The following WNT5A variants were observed in gnomAD, a reference collection of about 807,000 sequenced individuals.
The protein encoded by WNT5A is protein Wnt-5a.
WNT5A carries 9 observed loss-of-function variants against 42.1 expected under a neutral mutation model. The ratio of observed to expected loss-of-function variants is 0.21; its 90% CI spans 0.13 to 0.37. The LOEUF (loss-of-function observed/expected upper bound fraction) is 0.37, where lower values mean the gene tolerates loss of function less well. Ranked by LOEUF, WNT5A falls within the 10% of genes least tolerant of loss-of-function variation. The pLI is 1.00. For missense variants in WNT5A, 426 were observed against 534.0 expected (o/e 0.80, Z 1.99); for synonymous variants, 210 against 210.0 (o/e 1.00, Z 0.00).
chr3:55,484,376 G>A (rs1162225921), intron 1 of WNT5A, among the ~76,000 whole-genome samples: 3 of 152,180 alleles, frequency 2.0e-5, no homozygotes, highest in Non-Finnish European at 2.9e-5. Context: ...TCCGCTTTAG[G>A]GGAGCAGACA....
the WNT5A span, among the ~76,000 whole-genome samples, chr3:55,504,204 G>A: frequency 6.6e-6 from 1 of 152,012 alleles, no homozygotes; most frequent in Non-Finnish European, 1.5e-5. Context: ...GGGAGGCGGA[G>A]GTTGCAGCAA....
chr3:55,478,068 C>T (rs1370218318), intron 3 of WNT5A, among the ~76,000 whole-genome samples: 1 of 152,158 alleles, frequency 6.6e-6, no homozygotes, highest in African/African-American at 2.4e-5. Context: ...AGGGAAAACT[C>T]CTGTGTTCCT....
At chr3:55,484,915 G>A (rs1336337148) in intron 1 of WNT5A, among the ~76,000 whole-genome samples, 2 of 152,206 alleles carry the variant, frequency 1.3e-5, no homozygotes, top group Non-Finnish European at 2.9e-5. Flanking sequence ...AAGCGGGAAA[G>A]CAACACTTGT....
At chr3:55,494,540 ACTTTTTTT>A (rs1169990422), upstream of WNT5A, among the ~76,000 whole-genome samples, 1 of 152,126 alleles carries the variant, frequency 6.6e-6, no homozygotes, top group Non-Finnish European at 1.5e-5. Flanking sequence ...TTTTGCCATT[ACTTTTTTT>A]CTTTTTTTTG....
chr3:55,473,261 C>A (rs1364889132), intron 4 of WNT5A, among the ~76,000 whole-genome samples: 13 of 152,208 alleles, frequency 8.5e-5, no homozygotes. Context: ...TCTGTCCAGT[C>A]CTCTACAGTT....
chr3:55,492,173 T>C (rs1019201345), upstream of WNT5A, among the ~76,000 whole-genome samples: 1 of 142,356 alleles, frequency 7.0e-6, no homozygotes, highest in African/African-American at 3.1e-5. Context: ...AACACTTATG[T>C]GTTATGTGTT....
upstream of WNT5A, among the ~76,000 whole-genome samples, chr3:55,492,038 G>A (rs369342816): frequency 6.6e-6 from 1 of 152,216 alleles, no homozygotes; most frequent in East Asian, 1.9e-4. Flanking sequence ...TTGACTCCAG[G>A]AGGCTCTTTG....
At chr3:55,496,652 T>C in the WNT5A span, among the ~76,000 whole-genome samples, 3 of 152,216 alleles carry the variant, frequency 2.0e-5, no homozygotes, top group African/African-American at 7.2e-5. Context: ...GTCATGCAGC[T>C]ATGTCATAAC....
chr3:55,473,700 C>T (rs548259240), intron 4 of WNT5A, among the ~76,000 whole-genome samples: 50 of 152,176 alleles, frequency 3.3e-4, no homozygotes, highest in African/African-American at 1.2e-3. Context: ...TAAAAAAACC[C>T]TCCATCCATC....
At chr3:55,493,278 G>GA, upstream of WNT5A, among the ~76,000 whole-genome samples, 1 of 152,210 alleles carries the variant, frequency 6.6e-6, no homozygotes, top group Admixed American at 6.5e-5. Context: ...AGATAAAATC[G>GA]AAACAAGTTA....
intron 1 of WNT5A, chr3:55,481,210 C>A (rs58661645): frequency 1.2e-6 from 1 of 820,468 alleles, no homozygotes. Flanking sequence ...CAGGCGCTGC[C>A]TCCTTCCTGC....
intron 1 of WNT5A, chr3:55,481,390 G>C: frequency 1.0e-6 from 1 of 985,538 alleles, no homozygotes; most frequent in Non-Finnish European, 1.2e-6. Context: ...GCACGGAGGC[G>C]AGTGGAGCGC....
chr3:55,473,773 A>T (rs1171441976), intron 4 of WNT5A, among the ~76,000 whole-genome samples: 1 of 151,764 alleles, frequency 6.6e-6, no homozygotes, highest in Non-Finnish European at 1.5e-5. Flanking sequence ...AGAGCCTCAA[A>T]GCTGGGGTGA....
chr3:55,484,198 A>C (rs2051527486), intron 1 of WNT5A, among the ~76,000 whole-genome samples: 1 of 152,170 alleles, frequency 6.6e-6, no homozygotes, highest in South Asian at 2.1e-4. Flanking sequence ...TTGGTGGAAA[A>C]AGAAAGCTGT....
the WNT5A span, among the ~76,000 whole-genome samples, chr3:55,498,837 G>A: frequency 6.6e-6 from 1 of 152,094 alleles, no homozygotes; most frequent in Non-Finnish European, 1.5e-5. Context: ...AACCTGTTTG[G>A]CTCTAAATGT....
chr3:55,471,911 C>A (rs1157770120), intron 4 of WNT5A, among the ~76,000 whole-genome samples: 1 of 152,182 alleles, frequency 6.6e-6, no homozygotes, highest in Non-Finnish European at 1.5e-5. Context: ...CACAGGGGCT[C>A]TTTTAAAGGG....
chr3:55,491,760 C>A (rs2045535918), upstream of WNT5A, among the ~76,000 whole-genome samples: 1 of 152,188 alleles, frequency 6.6e-6, no homozygotes, highest in South Asian at 2.1e-4. Flanking sequence ...GAGGGATGGG[C>A]CCCAGGGGCA....
At position 55,483,301 on chromosome 3, in the gene WNT5A, C is replaced by A. The variant is rs887468519; in HGVS notation, c.7-2383G>T. ...CCTCACGAGTCGCATCTCCACTTAA[C>A]CCCGCCGCTTGCCCGGAAACACCTT... is the stretch of plus-strand genomic sequence containing the variant. On this transcript the variant is annotated intron_variant, in intron 1 of 4. Coordinates refer to ENST00000264634, the MANE Select transcript of WNT5A (RefSeq NM_003392.7). The surrounding 1 kb of genome is among the most constrained non-coding windows in gnomAD (Gnocchi z 4.2). 1.3e-5 allele frequency among the ~76,000 whole-genome samples: 2 copies of A among 152,138 alleles called. No individual in the cohort carries two copies. Among genetic ancestry groups the A allele is most frequent in the Non-Finnish European group, 2.9e-5 (2 of 68,046 alleles).
upstream of WNT5A, chr3:55,488,232 C>T: frequency 6.6e-6 from 1 of 152,350 alleles, no homozygotes; most frequent in Non-Finnish European, 1.5e-5. Context: ...CGGCTCTGGG[C>T]GGCGGAGGCG....
Sources: allele counts gnomAD v4.1 joint callset (sites outside exome capture counted in the v4.1 genomes callset), GRCh38; gene constraint gnomAD v4.1.1; non-coding constraint Gnocchi (gnomAD v3.1); transcripts MANE v1.5; gene names NCBI Gene and HGNC (gene_info 2026-07-23, HGNC 2026-07-21).